MARK1: variants seen among roughly 807,000 people sequenced by gnomAD.
The protein encoded by MARK1 is microtubule affinity regulating kinase 1.
A neutral mutation model predicts 96.3 loss-of-function variants in MARK1; 40 were observed. The ratio of observed to expected loss-of-function variants is 0.42; its 90% CI spans 0.32 to 0.54. The LOEUF (loss-of-function observed/expected upper bound fraction) is 0.54, where lower values mean the gene tolerates loss of function less well. Ranked by LOEUF, MARK1 falls within the 20% of genes least tolerant of loss-of-function variation. MARK1 has a pLI of 0.16. For synonymous variants in MARK1, 317 were observed against 341.2 expected (o/e 0.93, Z 0.78); for missense variants, 719 against 984.6 (o/e 0.73, Z 3.61).
At chr1:220,569,875 C>T (rs1298534512) in intron 1 of MARK1, among the ~76,000 whole-genome samples, 1 of 152,060 alleles carries the variant, frequency 6.6e-6, no homozygotes, top group Non-Finnish European at 1.5e-5. Context: ...GTTCAACCTT[C>T]TGGAATAAGT....
In MARK1 at chr1:220,610,614, T is replaced by C. The variant is rs1406161741; in HGVS notation, c.496-5325T>C. Among the ~76,000 whole-genome samples the C allele has an allele frequency of 2.6e-5, 4 of 152,206 alleles. No homozygotes were observed. The South Asian group carries it at 8.3e-4, about 32-fold the overall frequency. ...TGTTGCTGGCAAGGAGCTGCGATCCTTTGGAGGAGAAGAGGTGTTCTGATT... is the reference window on the plus strand; with the variant it reads ...TGTTGCTGGCAAGGAGCTGCGATCCCTTGGAGGAGAAGAGGTGTTCTGATT... On this transcript the variant is annotated intron_variant, in intron 6 of 17. Coordinates refer to ENST00000366917, the MANE Select transcript of MARK1 (RefSeq NM_018650.5).
Position 220,663,801 on chromosome 1 carries a change from T to A in MARK1, c.*1635T>A, listed in dbSNP as rs1323338226. 5 of 151,928 alleles carry A rather than the reference T, an allele frequency of 3.3e-5. No individual in the cohort carries two copies. The highest frequency in any genetic ancestry group is 5.9e-5 in the Non-Finnish European group (4 of 67,908). 9.4% of individuals were successfully genotyped at this position (151,928 alleles called of 1,614,324 possible). A position where few individuals can be genotyped will look rare whatever the true frequency, so the allele number is the denominator to read the frequency against. On this transcript the variant is annotated 3_prime_UTR_variant, in exon 18 of 18. Coordinates refer to ENST00000366917, the MANE Select transcript of MARK1 (RefSeq NM_018650.5). ...AAAGGGTGGTGTTTGAAAAAAAAAA[T>A]GTGTAGCCCCTTTTTAACCTAGTGT...
intron 9 of MARK1, chr1:220,626,978 C>T (rs1558307817): frequency 1.9e-6 from 1 of 519,348 alleles, no homozygotes; most frequent in South Asian, 1.5e-5. Flanking sequence ...TACAGAGATC[C>T]CTAATGAGCT....
rs192785980 is a variant in MARK1, at chr1:220,641,263, C to G, written c.1470+5237C>G. Reference sequence around the variant, plus strand: ...CTGCCAAAATTCACATGTTAAAATTCTAACCCTAAAGGTGGTAGTATTAGA... The same window carrying G: ...CTGCCAAAATTCACATGTTAAAATTGTAACCCTAAAGGTGGTAGTATTAGA... On this transcript the variant is annotated intron_variant, in intron 13 of 17. Transcript: ENST00000366917. Among the ~76,000 whole-genome samples, 218 of 152,300 alleles carry G rather than the reference C, an allele frequency of 1.4e-3. 2 individuals are homozygous for G. The highest frequency in any genetic ancestry group is 5.0e-3 in the African/African-American group (209 of 41,574).
chr1:220,643,819 C>A (rs1272921358), intron 13 of MARK1, among the ~76,000 whole-genome samples: 1 of 152,188 alleles, frequency 6.6e-6, no homozygotes, highest in Non-Finnish European at 1.5e-5. Flanking sequence ...TCTGGTCAAA[C>A]TAAGCTTCAA....
At chr1:220,592,570 C>T in intron 3 of MARK1, among the ~76,000 whole-genome samples, 1 of 152,174 alleles carries the variant, frequency 6.6e-6, no homozygotes, top group Non-Finnish European at 1.5e-5. Context: ...GCAGAAGACC[C>T]AGTTAAGTCA....
rs1669087785 is a variant in MARK1 at position 220,654,993 on chromosome 1, C to G, written c.1988+1641C>G. Among the ~76,000 whole-genome samples, 3 of 152,188 alleles carry G rather than the reference C, an allele frequency of 2.0e-5. No homozygotes were observed. The highest frequency in any genetic ancestry group is 7.2e-5 in the African/African-American group (3 of 41,448). On this transcript the variant is annotated intron_variant, in intron 16 of 17. Coordinates refer to ENST00000366917, the MANE Select transcript of MARK1 (RefSeq NM_018650.5). The surrounding 1 kb of genome is among the most constrained non-coding windows in gnomAD (Gnocchi z 4.0). ...ATGTGGAGACCTACTACACGCAAGG[C>G]CCTTTTGTAGGAGCTATTGCTACGG...
intron 1 of MARK1, among the ~76,000 whole-genome samples, chr1:220,567,567 T>C (rs897283251): frequency 6.6e-6 from 1 of 152,188 alleles, no homozygotes; most frequent in Non-Finnish European, 1.5e-5. Context: ...ACTTTCCCTT[T>C]ATTTTAAAAC....
intron 9 of MARK1, chr1:220,627,455 C>T: frequency 2.2e-6 from 1 of 451,852 alleles, no homozygotes; most frequent in Non-Finnish European, 4.5e-6. Context: ...CTGAGCAGAC[C>T]TCTCCAGCTC....
intron 6 of MARK1, among the ~76,000 whole-genome samples, chr1:220,613,825 C>G (rs560438068): frequency 6.6e-6 from 1 of 152,242 alleles, no homozygotes; most frequent in African/African-American, 2.4e-5. Flanking sequence ...TCACCCTGCC[C>G]AAGAACATCT....
intron 1 of MARK1, among the ~76,000 whole-genome samples, chr1:220,548,276 T>A (rs1286402986): frequency 1.3e-5 from 2 of 152,246 alleles, no homozygotes; most frequent in African/African-American, 4.8e-5. Flanking sequence ...AAAGTTATCA[T>A]AAAATTTCAA....
chr1:220,528,490 G>A lies in MARK1; in HGVS notation c.-333G>A, dbSNP rs902636381. 83 of 376,132 alleles carry A rather than the reference G, an allele frequency of 2.2e-4. No homozygotes were observed. In the Middle Eastern group the frequency reaches 3.5e-3, roughly 16 times the overall value. 23.3% of individuals were successfully genotyped at this position (376,132 alleles called of 1,614,324 possible). ...ACCCATGGTCCGGAGAGCCTAGCGG[G>A]GCTCGCCACCGCCTCCCGGCTCCCC... is the stretch of plus-strand genomic sequence containing the variant. On this transcript the variant is annotated 5_prime_UTR_variant, in exon 1 of 18. Transcript: ENST00000366917.
chr1:220,644,226 T>C (rs1668449888), intron 13 of MARK1, among the ~76,000 whole-genome samples: 1 of 152,084 alleles, frequency 6.6e-6, no homozygotes, highest in Admixed American at 6.5e-5. Flanking sequence ...GAGGAAACTT[T>C]ACCAAGCAAA....
chr1:220,552,171 A>G (rs1661908553), intron 1 of MARK1, among the ~76,000 whole-genome samples: 1 of 152,188 alleles, frequency 6.6e-6, no homozygotes, highest in East Asian at 1.9e-4. Context: ...AAGCAGTCTC[A>G]ACTTGCCATT....
chr1:220,625,358 G>A (rs1282648527), intron 9 of MARK1, among the ~76,000 whole-genome samples: 1 of 152,266 alleles, frequency 6.6e-6, no homozygotes, highest in African/African-American at 2.4e-5. Flanking sequence ...TTAGTGCTGG[G>A]TACTTTTAGG....
chr1:220,603,924 G>C, intron 5 of MARK1, 143 bp from the exon 6 acceptor site: 1 of 479,620 alleles, frequency 2.1e-6, no homozygotes, highest in Non-Finnish European at 3.7e-6. Flanking sequence ...TTCTATTCAT[G>C]TGTTAGTTTG....
chr1:220,579,777 A>G (rs1664108427), intron 2 of MARK1, among the ~76,000 whole-genome samples: 1 of 152,192 alleles, frequency 6.6e-6, no homozygotes, highest in Admixed American at 6.5e-5. Context: ...CATCTCATAA[A>G]TCAGGTGTGC....
At chr1:220,624,605 A>G (rs905672676) in intron 9 of MARK1, among the ~76,000 whole-genome samples, 1 of 152,072 alleles carries the variant, frequency 6.6e-6, no homozygotes, top group African/African-American at 2.4e-5. Flanking sequence ...TCTCAAAAAA[A>G]AAAAAAAAAA....
At chr1:220,529,632 G>T (rs1184962244) in intron 1 of MARK1, among the ~76,000 whole-genome samples, 3 of 152,178 alleles carry the variant, frequency 2.0e-5, no homozygotes, top group Non-Finnish European at 2.9e-5. Flanking sequence ...GTCACAAGGT[G>T]CACATCTTTA....
Sources: allele counts gnomAD v4.1 joint callset (sites outside exome capture counted in the v4.1 genomes callset), GRCh38; gene constraint gnomAD v4.1.1; non-coding constraint Gnocchi (gnomAD v3.1); transcripts MANE v1.5; gene names NCBI Gene and HGNC (gene_info 2026-07-23, HGNC 2026-07-21).